ANKS1B: variants seen among roughly 807,000 people sequenced by gnomAD.
The protein encoded by ANKS1B is ankyrin repeat and sterile alpha motif domain-containing protein 1B.
A neutral mutation model predicts 148.3 loss-of-function variants in ANKS1B; 36 were observed. The ratio of observed to expected loss-of-function variants is 0.24; its 90% CI spans 0.19 to 0.32. The LOEUF is 0.32. ANKS1B is among the 10% of genes least tolerant of loss of function. The pLI, the probability that ANKS1B is intolerant of heterozygous loss-of-function variation, is 1.00. For missense variants in ANKS1B, 1,157 were observed against 1,542.6 expected (o/e 0.75, Z 4.19); for synonymous variants, 542 against 560.8 (o/e 0.97, Z 0.47).
At chr12:99,063,122 T>C (rs76457303) in intron 16 of ANKS1B, among the ~76,000 whole-genome samples, 2,176 of 152,288 alleles carry the variant, frequency 0.014, 44 homozygotes, top group African/African-American at 0.05. Context: ...ATCCCTGATG[T>C]GCCAGGCTCA....
At position 98,751,568 on chromosome 12, in the gene ANKS1B, T is replaced by C; in HGVS notation, c.3580-46A>G. 6.3e-7 allele frequency: 1 copy of C among 1,587,270 alleles called. No homozygotes were observed. The highest frequency in any genetic ancestry group is 8.6e-7 in the Non-Finnish European group (1 of 1,159,006). Reference sequence around the variant, plus strand: ...CATTTGCTACTGGCACACTGCAAATTAGAATGGGTCGAATGGCTGAGGAAC... The same window carrying C: ...CATTTGCTACTGGCACACTGCAAATCAGAATGGGTCGAATGGCTGAGGAAC... On this transcript the variant is annotated intron_variant, in intron 25 of 26. Transcript: ENST00000683438. This position sits in a 1 kb window ranked among gnomAD's most constrained non-coding sequence, Gnocchi z 4.3.
chr12:99,538,250 G>A (rs2097092585), intron 9 of ANKS1B, among the ~76,000 whole-genome samples: 1 of 151,868 alleles, frequency 6.6e-6, no homozygotes, highest in Non-Finnish European at 1.5e-5. Flanking sequence ...GTTTTTTTGT[G>A]GTTCCATATA....
intron 17 of ANKS1B, among the ~76,000 whole-genome samples, chr12:98,841,762 G>C (rs2099407599): frequency 6.6e-6 from 1 of 152,028 alleles, no homozygotes; most frequent in South Asian, 2.1e-4. Context: ...AAAAAAAAAG[G>C]GGTAACAACA....
chr12:99,111,818 T>C (rs539350324), intron 15 of ANKS1B, among the ~76,000 whole-genome samples: 2 of 152,202 alleles, frequency 1.3e-5, no homozygotes, highest in South Asian at 2.1e-4. Flanking sequence ...AACAAGGCGA[T>C]GGTGGCAGTA....
At chr12:99,400,774 T>C (rs1423049667) in intron 11 of ANKS1B, among the ~76,000 whole-genome samples, 4 of 145,536 alleles carry the variant, frequency 2.7e-5, no homozygotes, top group South Asian at 2.1e-4. Flanking sequence ...GTAAAGTTTA[T>C]TGTACTTTAC....
At chr12:99,513,886 C>A (rs1167395769) in intron 9 of ANKS1B, among the ~76,000 whole-genome samples, 1 of 151,950 alleles carries the variant, frequency 6.6e-6, no homozygotes, top group African/African-American at 2.4e-5. Flanking sequence ...TAAGTAAGGT[C>A]AAAGCAAACT....
intron 16 of ANKS1B, among the ~76,000 whole-genome samples, chr12:99,069,077 T>C (rs931562049): frequency 7.9e-5 from 12 of 152,216 alleles, no homozygotes; most frequent in African/African-American, 2.9e-4. Flanking sequence ...GGACTTAGCA[T>C]AGAGCTGAAA....
At chr12:99,103,758 A>G (rs2058539135) in intron 15 of ANKS1B, among the ~76,000 whole-genome samples, 1 of 152,218 alleles carries the variant, frequency 6.6e-6, no homozygotes, top group African/African-American at 2.4e-5. Context: ...ATGACAATAC[A>G]TTATACATAA....
rs1290111791 is a variant in ANKS1B, at chr12:98,829,607, G to A, written c.2887-254C>T. Among the ~76,000 whole-genome samples, 1 of 152,160 alleles carries A rather than the reference G, an allele frequency of 6.6e-6. No individual in the cohort carries two copies. Among genetic ancestry groups the A allele is most frequent in the Admixed American group, 6.5e-5 (1 of 15,278 alleles). On this transcript the variant is annotated intron_variant, in intron 18 of 26. Coordinates refer to ENST00000683438, the MANE Select transcript of ANKS1B (RefSeq NM_001352186.2). The surrounding 1 kb of genome is among the most constrained non-coding windows in gnomAD (Gnocchi z 5.2). Reference sequence around the variant, plus strand: ...TTTTCCTAAAGCAGCATCATGGATGGTCTCAGGAGGGAGGCACACCTATGT... The same window carrying A: ...TTTTCCTAAAGCAGCATCATGGATGATCTCAGGAGGGAGGCACACCTATGT...
At chr12:99,568,065 G>T (rs368290158) in intron 9 of ANKS1B, among the ~76,000 whole-genome samples, 11 of 152,290 alleles carry the variant, frequency 7.2e-5, no homozygotes, top group African/African-American at 2.6e-4. Context: ...TATTGCTGCT[G>T]TAACAAATTT....
At chr12:99,632,727 C>CTCTATATATATA (rs1555520239) in intron 9 of ANKS1B, among the ~76,000 whole-genome samples, 1 of 39,052 alleles carries the variant, frequency 2.6e-5, no homozygotes, top group Non-Finnish European at 5.6e-5. Context: ...CCTTTTCTTT[C>CTCTATATATATA]TATATATATA....
chr12:98,845,205 C>T (rs1460215349), intron 17 of ANKS1B, among the ~76,000 whole-genome samples: 2 of 152,230 alleles, frequency 1.3e-5, no homozygotes, highest in East Asian at 3.9e-4. Context: ...CTGGTAATTA[C>T]CTTAACTTTA....
Position 98,751,574 on chromosome 12 carries a change from G to A in ANKS1B, c.3580-52C>T. ...CTACTGGCACACTGCAAATTAGAAT[G>A]GGTCGAATGGCTGAGGAACACTGAG... is the stretch of plus-strand genomic sequence containing the variant. On this transcript the variant is annotated intron_variant, in intron 25 of 26. Coordinates refer to ENST00000683438, the MANE Select transcript of ANKS1B (RefSeq NM_001352186.2). The surrounding 1 kb of genome is among the most constrained non-coding windows in gnomAD (Gnocchi z 4.3). 1 of 1,569,058 alleles carries A rather than the reference G, an allele frequency of 6.4e-7. No individual in the cohort carries two copies. Among genetic ancestry groups the A allele is most frequent in the Admixed American group, 1.7e-5 (1 of 58,752 alleles).
chr12:99,300,871 G>A (rs1040279677), intron 12 of ANKS1B, among the ~76,000 whole-genome samples: 3 of 152,160 alleles, frequency 2.0e-5, no homozygotes, highest in African/African-American at 4.8e-5. Context: ...GTGACTAGAT[G>A]TATTCGGTTT....
intron 1 of ANKS1B, among the ~76,000 whole-genome samples, chr12:99,904,956 T>C (rs1474461092): frequency 1.3e-5 from 2 of 152,222 alleles, no homozygotes; most frequent in East Asian, 3.9e-4. Context: ...CCTTAATGGA[T>C]ATACTTCAAA....
intron 10 of ANKS1B, among the ~76,000 whole-genome samples, chr12:99,496,431 G>T (rs1197279194): frequency 1.3e-5 from 2 of 152,086 alleles, no homozygotes; most frequent in Non-Finnish European, 2.9e-5. Flanking sequence ...ATTAAACAAG[G>T]TCTTTAGCTT....
At chr12:99,684,292 T>G (rs2098637330) in intron 8 of ANKS1B, among the ~76,000 whole-genome samples, 1 of 144,164 alleles carries the variant, frequency 6.9e-6, no homozygotes, top group Non-Finnish European at 1.5e-5. Context: ...TATATACAAA[T>G]CAGTAGCACT....
At chr12:99,729,658 T>G (rs2058948783) in intron 8 of ANKS1B, among the ~76,000 whole-genome samples, 3 of 152,230 alleles carry the variant, frequency 2.0e-5, no homozygotes, top group African/African-American at 7.2e-5. Flanking sequence ...CTGCCTACTG[T>G]ACTTACAAAG....
intron 1 of ANKS1B, among the ~76,000 whole-genome samples, chr12:99,978,276 C>G (rs2095652290): frequency 6.6e-6 from 1 of 152,206 alleles, no homozygotes; most frequent in Admixed American, 6.5e-5. Context: ...AATGGATGGA[C>G]AGGTTGAGTA....
Sources: gnomAD v4.1 joint callset for allele counts (sites outside exome capture counted in the v4.1 genomes callset) on GRCh38, gnomAD v4.1.1 for gene constraint, Gnocchi (gnomAD v3.1) non-coding constraint, MANE v1.5 for transcripts, NCBI Gene and HGNC (gene_info 2026-07-23, HGNC 2026-07-21) for gene names.